The following RELN variants were observed in gnomAD, a reference collection of about 807,000 sequenced individuals.
RELN encodes reelin.
RELN carries 108 observed loss-of-function variants against 427.6 expected under a neutral mutation model. That is an observed-to-expected ratio of 0.25 (90% CI 0.22 to 0.30). RELN has a LOEUF of 0.30. Ranked by LOEUF, RELN falls within the 10% of genes least tolerant of loss-of-function variation. The pLI is 1.00. For synonymous variants in RELN, 1,524 were observed against 1,513.4 expected (o/e 1.01, Z -0.16); for missense variants, 3,715 against 4,302.8 (o/e 0.86, Z 3.82).
chr7:103,551,013 A>T, intron 41 of RELN, 54 bp downstream of exon 41: 1 of 1,439,912 alleles, frequency 6.9e-7, no homozygotes, highest in Non-Finnish European at 9.6e-7. Flanking sequence ...CGATGACTTC[A>T]GGAATAAACT....
In RELN at chr7:103,511,757, C is replaced by G. The variant is rs191745550; in HGVS notation, c.8120-752G>C. On this transcript the variant is annotated intron_variant, in intron 50 of 64. Transcript: ENST00000428762. The stretch of plus-strand genomic sequence containing the variant: ...CCCATAGTCTCAGCTACTTAGGAGG[C>G]TGCTTGAGTCCAGGAGTTCAGGGCT... 8.6e-4 allele frequency among the ~76,000 whole-genome samples: 131 copies of G among 152,192 alleles called. 2 individuals carry two copies. Among genetic ancestry groups the G allele is most frequent in the Admixed American group, 3.3e-3 (51 of 15,278 alleles).
chr7:103,568,435 A>C (rs985408594), intron 31 of RELN, among the ~76,000 whole-genome samples: 3 of 152,172 alleles, frequency 2.0e-5, no homozygotes, highest in African/African-American at 4.8e-5. Flanking sequence ...AAATAACAGA[A>C]CTCTTTGGGG....
chr7:103,799,517 A>G (rs1241323853), intron 3 of RELN, among the ~76,000 whole-genome samples: 1 of 152,150 alleles, frequency 6.6e-6, no homozygotes, highest in East Asian at 1.9e-4. Context: ...ACCTCAGAAC[A>G]TTTGCACATG....
intron 3 of RELN, among the ~76,000 whole-genome samples, chr7:103,785,871 C>T (rs1792001366): frequency 1.3e-5 from 2 of 151,436 alleles, no homozygotes; most frequent in Admixed American, 1.3e-4. Context: ...TAAAGGAGCA[C>T]ATTCTATAGG....
At chr7:103,904,038 T>C (rs1029660217) in intron 2 of RELN, among the ~76,000 whole-genome samples, 2 of 152,094 alleles carry the variant, frequency 1.3e-5, no homozygotes, top group Admixed American at 6.6e-5. Flanking sequence ...AGGTGTGTGT[T>C]GTTCCCCTCC....
At chr7:103,492,729 T>C (rs1828712138) in intron 57 of RELN, among the ~76,000 whole-genome samples, 1 of 152,192 alleles carries the variant, frequency 6.6e-6, no homozygotes, top group Admixed American at 6.5e-5. Context: ...TACACAAATA[T>C]AATGCTGTGG....
intron 36 of RELN, among the ~76,000 whole-genome samples, 198 bp downstream of exon 36, chr7:103,561,334 G>A (rs959819976): frequency 6.6e-6 from 1 of 152,140 alleles, no homozygotes; most frequent in Admixed American, 6.5e-5. Flanking sequence ...CAAAGCAGAG[G>A]AGAAATTTTA....
chr7:103,792,843 C>T (rs74756402), intron 3 of RELN, among the ~76,000 whole-genome samples: 2 of 152,018 alleles, frequency 1.3e-5, no homozygotes, highest in East Asian at 3.9e-4. Flanking sequence ...TTCTGGAAGG[C>T]TGTAGATAAG....
At chr7:103,845,965 G>C (rs1005214747) in intron 2 of RELN, among the ~76,000 whole-genome samples, 7 of 152,152 alleles carry the variant, frequency 4.6e-5, no homozygotes, top group African/African-American at 1.7e-4. Context: ...CATGCTCATG[G>C]ATAGGAAAGA....
chr7:103,541,678 T>C (rs1393543409), intron 43 of RELN, among the ~76,000 whole-genome samples: 1 of 152,208 alleles, frequency 6.6e-6, no homozygotes, highest in South Asian at 2.1e-4. Context: ...TCTACTTGTA[T>C]TGAGAAAATC....
intron 60 of RELN, among the ~76,000 whole-genome samples, chr7:103,488,846 T>A (rs1190972766): frequency 6.6e-6 from 1 of 152,174 alleles, no homozygotes; most frequent in African/African-American, 2.4e-5. Flanking sequence ...AGATAACTGA[T>A]GGGGATATCA....
At chr7:103,786,429 G>T (rs1300084465) in intron 3 of RELN, among the ~76,000 whole-genome samples, 2 of 150,270 alleles carry the variant, frequency 1.3e-5, no homozygotes, top group South Asian at 2.1e-4. Flanking sequence ...CCATCAATGT[G>T]CTGTATTCAG....
At chr7:103,825,246 T>C (rs1490826147) in intron 3 of RELN, among the ~76,000 whole-genome samples, 1 of 151,878 alleles carries the variant, frequency 6.6e-6, no homozygotes, top group African/African-American at 2.4e-5. Context: ...AAGTGGAAGA[T>C]CAGCAAGGGG....
At chr7:103,800,436 AC>A (rs1792433168) in intron 3 of RELN, among the ~76,000 whole-genome samples, 1 of 152,154 alleles carries the variant, frequency 6.6e-6, no homozygotes, top group Non-Finnish European at 1.5e-5. Context: ...CACATCTACA[AC>A]CATCTGATCT....
chr7:103,932,451 C>T (rs1795887030), intron 1 of RELN, among the ~76,000 whole-genome samples: 1 of 152,046 alleles, frequency 6.6e-6, no homozygotes, highest in African/African-American at 2.4e-5. Flanking sequence ...GGGCTTAGCA[C>T]CTGGGTGATG....
At chr7:103,746,962 C>T (rs12536739) in intron 6 of RELN, among the ~76,000 whole-genome samples, 45,630 of 151,928 alleles carry the variant, frequency 0.3, 7,781 homozygotes, top group Non-Finnish European at 0.39. Context: ...GACACATGCA[C>T]ACGTATGTTT....
At chr7:103,939,533 A>G (rs1796064356) in intron 1 of RELN, among the ~76,000 whole-genome samples, 1 of 152,222 alleles carries the variant, frequency 6.6e-6, no homozygotes, top group African/African-American at 2.4e-5. Context: ...ATGAGCACTC[A>G]TGAACAGTGG....
Position 103,651,784 on chromosome 7 carries a change from C to G in RELN, c.1769G>C (p.Ser590Thr), listed in dbSNP as rs779939013. 26 of 1,611,202 alleles carry G rather than the reference C, an allele frequency of 1.6e-5. No individual in the cohort carries two copies. Among genetic ancestry groups the G allele is most frequent in the Admixed American group, 3.3e-5 (2 of 59,726 alleles). Residue 590 changes from serine to threonine, a missense_variant, in exon 15 of 65, where the codon AGC (serine) becomes ACC (threonine). Coordinates refer to ENST00000428762, the MANE Select transcript of RELN (RefSeq NM_005045.4). Reference protein sequence around the residue: ...CGTHQPGNSVSLEFSTNHGRS... With the variant: ...CGTHQPGNSVTLEFSTNHGRS... ...CCCATGGTTGGTAGAAAATTCCAAG[C>G]TGACACTAATAAAACCAGAACAAGC...
intron 1 of RELN, among the ~76,000 whole-genome samples, chr7:103,921,425 T>C (rs1795614997): frequency 6.6e-6 from 1 of 152,212 alleles, no homozygotes; most frequent in Non-Finnish European, 1.5e-5. Flanking sequence ...AAGGGACTTC[T>C]TCCCTCTTGG....
Sources: allele counts gnomAD v4.1 joint callset (sites outside exome capture counted in the v4.1 genomes callset), GRCh38; gene constraint gnomAD v4.1.1; transcripts MANE v1.5; gene names NCBI Gene and HGNC (gene_info 2026-07-23, HGNC 2026-07-21).